The following GAB3 variants were observed in gnomAD, a reference collection of about 807,000 sequenced individuals.
GAB3 encodes GRB2 associated binding protein 3.
Under a neutral mutation model 40.4 loss-of-function variants are expected in GAB3, and 12 were observed. The ratio of observed to expected loss-of-function variants is 0.30; its 90% CI spans 0.19 to 0.48. The LOEUF (loss-of-function observed/expected upper bound fraction) is 0.48. Ranked by LOEUF, GAB3 falls within the 20% of genes least tolerant of loss-of-function variation. The pLI is 0.99. For synonymous variants in GAB3, 154 were observed against 176.7 expected, an observed-to-expected ratio of 0.87 and a Z score of 1.02; for missense variants, 381 against 461.9, an observed-to-expected ratio of 0.82 and a Z score of 1.61.
Position 154,729,282 on chromosome X carries a change from T to C in GAB3, c.73-12953A>G, listed in dbSNP as rs150541843. ...CTTGACTTTAATCCAAAGGCACCCA[T>C]GATTACTTTAAATGTAAATGGACTC... On this transcript the variant is annotated intron_variant, in intron 1 of 9. Coordinates refer to ENST00000424127, the MANE Select transcript of GAB3 (RefSeq NM_001081573.3). Among the ~76,000 whole-genome samples, 626 of 112,183 alleles carry C rather than the reference T, an allele frequency of 5.6e-3. 2 individuals are homozygous for C. The highest frequency in any genetic ancestry group is 0.019 in the African/African-American group (588 of 30,905).
At chrX:154,684,738 A>G (rs781875045) in intron 8 of GAB3, among the ~76,000 whole-genome samples, 1 of 111,312 alleles carries the variant, frequency 9.0e-6, no homozygotes, top group South Asian at 3.7e-4. Context: ...AATCAGCCAA[A>G]TTAAAGAAAA....
intron 8 of GAB3, among the ~76,000 whole-genome samples, chrX:154,685,078 T>C (rs886953615): frequency 8.9e-6 from 1 of 112,191 alleles, no homozygotes; most frequent in Non-Finnish European, 1.9e-5. Context: ...ATCTCATCCA[T>C]TGAGTTTCTA....
At chrX:154,725,960 A>G (rs2071206634) in intron 1 of GAB3, among the ~76,000 whole-genome samples, 2 of 111,931 alleles carry the variant, frequency 1.8e-5, no homozygotes, top group South Asian at 3.7e-4. Flanking sequence ...TCAGCAAGGT[A>G]ATGAATTGCT....
At chrX:154,748,526 T>C (rs782715742) in intron 1 of GAB3, among the ~76,000 whole-genome samples, 15 of 112,017 alleles carry the variant, frequency 1.3e-4, no homozygotes, top group Non-Finnish European at 2.4e-4. Flanking sequence ...AAAAGACCAG[T>C]GATAAAAAAT....
At chrX:154,745,799 C>T (rs1299604848) in intron 1 of GAB3, among the ~76,000 whole-genome samples, 1 of 111,527 alleles carries the variant, frequency 9.0e-6, no homozygotes, top group East Asian at 2.8e-4. Flanking sequence ...CACCTGTAAT[C>T]CTAGCACTTT....
In GAB3 at chrX:154,676,899, G is replaced by C. The variant is rs1019401166; in HGVS notation, c.*1279C>G. 5 of 111,542 alleles carry C rather than the reference G, an allele frequency of 4.5e-5. No individual in the cohort carries two copies. Among genetic ancestry groups the C allele is most frequent in the Non-Finnish European group, 9.4e-5 (5 of 53,060 alleles). The allele number at this position is 111,542 out of a possible 1,213,427, so 9.2% of individuals were successfully genotyped here. A position where few individuals can be genotyped will look rare whatever the true frequency, so the allele number is the denominator to read the frequency against. On this transcript the variant is annotated 3_prime_UTR_variant, in exon 10 of 10. Transcript: ENST00000424127. ...ATGCCCAACTGACACCTTCATTCTG[G>C]GTCTCCTGGACCCCAGGACCTGTAA...
chrX:154,717,562 A>C (rs1557257880), intron 1 of GAB3, among the ~76,000 whole-genome samples: 2 of 112,340 alleles, frequency 1.8e-5, no homozygotes, highest in Non-Finnish European at 3.8e-5. Flanking sequence ...GATATTCCAC[A>C]GAAACCAGTG....
intron 1 of GAB3, among the ~76,000 whole-genome samples, chrX:154,745,394 C>T (rs2071511022): frequency 9.2e-6 from 1 of 109,020 alleles, no homozygotes; most frequent in African/African-American, 3.3e-5. Flanking sequence ...AGAAAGGTCT[C>T]AAATCAGTAA....
chrX:154,687,621 G>A (rs1289607594), intron 8 of GAB3, among the ~76,000 whole-genome samples: 13 of 81,664 alleles, frequency 1.6e-4, no homozygotes, highest in Non-Finnish European at 2.7e-4. Context: ...GTGACAGAGC[G>A]AGACTCTGTC....
rs144166190 is a variant in GAB3 at position 154,717,211 on chromosome X, C to A, written c.73-882G>T. Among the ~76,000 whole-genome samples, 240 of 111,612 alleles carry A rather than the reference C, an allele frequency of 2.2e-3. 1 individual carries two copies. The highest frequency in any genetic ancestry group is 7.5e-3 in the African/African-American group (231 of 30,676). On this transcript the variant is annotated intron_variant, in intron 1 of 9. Coordinates refer to ENST00000424127, the MANE Select transcript of GAB3 (RefSeq NM_001081573.3). ...AGTGTAGCCAGCTCTCCAGAAACATCTGACTGTAAAGGGGGAAAGCTCTGG... is the reference window on the plus strand; with the variant it reads ...AGTGTAGCCAGCTCTCCAGAAACATATGACTGTAAAGGGGGAAAGCTCTGG...
intron 1 of GAB3, among the ~76,000 whole-genome samples, chrX:154,724,286 G>T (rs1350859672): frequency 1.8e-5 from 2 of 110,193 alleles, no homozygotes; most frequent in Non-Finnish European, 3.8e-5. Flanking sequence ...GGAGGTTGCA[G>T]TTAGCCGAGA....
At chrX:154,694,587 G>A (rs2070625311) in intron 8 of GAB3, among the ~76,000 whole-genome samples, 1 of 110,972 alleles carries the variant, frequency 9.0e-6, no homozygotes, top group Admixed American at 9.5e-5. Flanking sequence ...TAGAGAAGGG[G>A]TTTCACCGTG....
At chrX:154,690,831 T>A (rs1444101802) in intron 8 of GAB3, among the ~76,000 whole-genome samples, 2 of 108,840 alleles carry the variant, frequency 1.8e-5, no homozygotes, top group Non-Finnish European at 3.8e-5. Context: ...GACTGTAAAC[T>A]AGTTCAACCA....
intron 4 of GAB3, among the ~76,000 whole-genome samples, chrX:154,703,746 A>C (rs1467077181): frequency 8.9e-6 from 1 of 112,361 alleles, no homozygotes; most frequent in Non-Finnish European, 1.9e-5. Flanking sequence ...GCAATAACAA[A>C]TGCTTGTGAG....
At chrX:154,692,826 G>A (rs151307670) in intron 8 of GAB3, among the ~76,000 whole-genome samples, 76 of 112,001 alleles carry the variant, frequency 6.8e-4, no homozygotes, top group African/African-American at 2.3e-3. Flanking sequence ...GTGAGGATGT[G>A]GAGAAATTGG....
chrX:154,725,608 C>A (rs960207139), intron 1 of GAB3, among the ~76,000 whole-genome samples: 3 of 110,898 alleles, frequency 2.7e-5, no homozygotes, highest in Admixed American at 9.5e-5. Context: ...CCACAGAGAA[C>A]ACAGTTATGT....
At chrX:154,695,709 G>A (rs928201643) in intron 8 of GAB3, among the ~76,000 whole-genome samples, 39 of 112,233 alleles carry the variant, frequency 3.5e-4, no homozygotes, top group African/African-American at 1.2e-3. Flanking sequence ...ATCTCAAAAT[G>A]GTATGAGGAG....
At chrX:154,731,783 A>G (rs1313423204) in intron 1 of GAB3, among the ~76,000 whole-genome samples, 1 of 111,829 alleles carries the variant, frequency 8.9e-6, no homozygotes, top group African/African-American at 3.3e-5. Flanking sequence ...AGATCCCTCA[A>G]AATATGCAAT....
At chrX:154,708,999 C>T (rs1285688733) in intron 4 of GAB3, among the ~76,000 whole-genome samples, 1 of 111,454 alleles carries the variant, frequency 9.0e-6, no homozygotes, top group African/African-American at 3.3e-5. Flanking sequence ...AATTGTAATT[C>T]CCAATGTTGG....
Sources: allele counts gnomAD v4.1 joint callset (sites outside exome capture counted in the v4.1 genomes callset), GRCh38; gene constraint gnomAD v4.1.1; transcripts MANE v1.5; gene names NCBI Gene and HGNC (gene_info 2026-07-23, HGNC 2026-07-21).